The following FGGY variants were observed in gnomAD, a reference collection of about 807,000 sequenced individuals.
The protein encoded by FGGY is FGGY carbohydrate kinase domain-containing protein.
FGGY carries 72 observed loss-of-function variants against 71.3 expected under a neutral mutation model. The observed-to-expected ratio is 1.01, with a 90% confidence interval of 0.84 to 1.23. The LOEUF (loss-of-function observed/expected upper bound fraction) is 1.23, where lower values mean the gene tolerates loss of function less well. FGGY is among the 50% of genes most tolerant of loss of function. The pLI is 0.00. For synonymous variants in FGGY, 251 were observed against 250.3 expected (o/e 1.00, Z -0.02); for missense variants, 668 against 682.3 (o/e 0.98, Z 0.23).
chr1:59,527,581 T>C (rs1172600665), intron 7 of FGGY, among the ~76,000 whole-genome samples: 2 of 152,236 alleles, frequency 1.3e-5, no homozygotes, highest in African/African-American at 4.8e-5. Flanking sequence ...AGTTTGCTCA[T>C]ATTCACTGCA....
intron 14 of FGGY, among the ~76,000 whole-genome samples, chr1:59,744,230 G>A (rs777174200): frequency 3.9e-5 from 6 of 152,188 alleles, no homozygotes; most frequent in Non-Finnish European, 7.3e-5. Context: ...AAGCCATTCT[G>A]TTTTGTTTGA....
rs181771778 is a variant in FGGY, at chr1:59,369,171, G to A, written c.466-9578G>A. Among the ~76,000 whole-genome samples the A allele has an allele frequency of 2.6e-3, 403 of 152,304 alleles. 1 individual carries two copies. The highest frequency in any genetic ancestry group is 9.1e-3 in the African/African-American group (379 of 41,560). On this transcript the variant is annotated intron_variant, in intron 4 of 15. Coordinates refer to ENST00000303721, the MANE Select transcript of FGGY (RefSeq NM_018291.5). ...TTCCCTTTCCTAGTCAAAGAAAGGGGTGACAGACGGCACCTGGAAAATCGG... is the reference window on the plus strand; with the variant it reads ...TTCCCTTTCCTAGTCAAAGAAAGGGATGACAGACGGCACCTGGAAAATCGG...
chr1:59,576,713 C>CACAT (rs1491361560), intron 8 of FGGY, among the ~76,000 whole-genome samples: 1 of 148,576 alleles, frequency 6.7e-6, no homozygotes, highest in African/African-American at 2.5e-5. Flanking sequence ...CACACACACA[C>CACAT]ATTTCCTTAT....
At chr1:59,452,080 C>CTTTT (rs72244659) in intron 5 of FGGY, among the ~76,000 whole-genome samples, 4 of 142,342 alleles carry the variant, frequency 2.8e-5, no homozygotes, top group Non-Finnish European at 6.2e-5. Context: ...TTGTTCTTTT[C>CTTTT]TTTTTTTTTT....
chr1:59,524,382 G>A (rs1321034445), intron 7 of FGGY, among the ~76,000 whole-genome samples: 2 of 152,158 alleles, frequency 1.3e-5, no homozygotes, highest in Admixed American at 6.5e-5. Flanking sequence ...AGAAAGGAGC[G>A]GGTCCCTGGC....
intron 11 of FGGY, among the ~76,000 whole-genome samples, chr1:59,643,681 A>G (rs1333699337): frequency 9.9e-5 from 15 of 152,264 alleles, no homozygotes; most frequent in Admixed American, 8.5e-4. Context: ...TTTTCACTGA[A>G]GAAAATAAGA....
intron 1 of FGGY, among the ~76,000 whole-genome samples, chr1:59,308,910 G>A (rs1018301213): frequency 4.6e-5 from 7 of 151,932 alleles, no homozygotes; most frequent in African/African-American, 1.7e-4. Context: ...TCATTCAACA[G>A]CTACTGATGT....
intron 14 of FGGY, among the ~76,000 whole-genome samples, chr1:59,704,211 G>A (rs186261484): frequency 5.3e-5 from 8 of 152,180 alleles, no homozygotes; most frequent in Admixed American, 2.6e-4. Flanking sequence ...GCAGAAGAGC[G>A]ACCCAGCCCT....
chr1:59,538,282 A>G (rs1003096511), intron 7 of FGGY, among the ~76,000 whole-genome samples: 10 of 151,334 alleles, frequency 6.6e-5, no homozygotes, highest in Non-Finnish European at 1.5e-4. Flanking sequence ...TGCAAATCAA[A>G]ACCACAATGA....
chr1:59,717,999 T>C (rs919866228), intron 14 of FGGY, among the ~76,000 whole-genome samples: 1 of 152,130 alleles, frequency 6.6e-6, no homozygotes, highest in African/African-American at 2.4e-5. Context: ...GTCACACAGC[T>C]GGTATGTAGA....
chr1:59,688,681 A>G (rs1020582027), intron 14 of FGGY, among the ~76,000 whole-genome samples: 2 of 152,106 alleles, frequency 1.3e-5, no homozygotes, highest in Admixed American at 1.3e-4. Flanking sequence ...CTCCCCAAGC[A>G]TATGCTCTTT....
At chr1:59,528,443 C>G (rs1423706224) in intron 7 of FGGY, among the ~76,000 whole-genome samples, 1 of 152,186 alleles carries the variant, frequency 6.6e-6, no homozygotes, top group Non-Finnish European at 1.5e-5. Flanking sequence ...CCAGCTTGCT[C>G]TCTTTTACCA....
intron 5 of FGGY, among the ~76,000 whole-genome samples, chr1:59,382,515 A>G (rs1272634045): frequency 6.6e-6 from 1 of 152,158 alleles, no homozygotes; most frequent in African/African-American, 2.4e-5. Context: ...TGGAAGGTGT[A>G]ATTAGTCACC....
intron 5 of FGGY, among the ~76,000 whole-genome samples, chr1:59,447,158 A>T (rs1455262149): frequency 1.3e-5 from 2 of 152,154 alleles, no homozygotes; most frequent in Non-Finnish European, 2.9e-5. Flanking sequence ...CTATTTTCTG[A>T]TTGAAACTAA....
chr1:59,647,262 C>T (rs956875572), intron 11 of FGGY, among the ~76,000 whole-genome samples: 1 of 152,060 alleles, frequency 6.6e-6, no homozygotes, highest in Non-Finnish European at 1.5e-5. Context: ...AGACCAGCTT[C>T]GAGAAACAGT....
At chr1:59,737,497 A>G (rs554530437) in intron 14 of FGGY, among the ~76,000 whole-genome samples, 2 of 152,368 alleles carry the variant, frequency 1.3e-5, no homozygotes, top group Admixed American at 1.3e-4. Flanking sequence ...CTCTTGTATC[A>G]GTGTGACCTG....
At chr1:59,640,711 A>G (rs956716442) in intron 11 of FGGY, among the ~76,000 whole-genome samples, 1 of 151,122 alleles carries the variant, frequency 6.6e-6, no homozygotes, top group Admixed American at 6.6e-5. Flanking sequence ...AAACAAACAT[A>G]TGAAGAATTT....
At chr1:59,627,452 TTTTATATA>T (rs1313152740) in intron 10 of FGGY, among the ~76,000 whole-genome samples, 115 of 47,558 alleles carry the variant, frequency 2.4e-3, no homozygotes, top group African/African-American at 9.0e-3. Flanking sequence ...CAACTTATGA[TTTTATATA>T]TATATATATA....
chr1:59,733,580 C>T (rs1387011286), intron 14 of FGGY, among the ~76,000 whole-genome samples: 1 of 152,120 alleles, frequency 6.6e-6, no homozygotes, highest in Non-Finnish European at 1.5e-5. Context: ...AGCTTAAAAC[C>T]CACATGACTG....
Sources: gnomAD v4.1 joint callset for allele counts (sites outside exome capture counted in the v4.1 genomes callset) on GRCh38, gnomAD v4.1.1 for gene constraint, MANE v1.5 for transcripts, NCBI Gene and HGNC (gene_info 2026-07-23, HGNC 2026-07-21) for gene names.